VWA8: variants seen among roughly 807,000 people sequenced by gnomAD.
VWA8 encodes von Willebrand factor A domain-containing protein 8.
In VWA8, 221 loss-of-function variants were observed where a neutral mutation model predicts 241.5. The observed-to-expected ratio is 0.91, with a 90% CI of 0.82 to 1.02. The LOEUF (loss-of-function observed/expected upper bound fraction) is 1.02, where lower values mean the gene tolerates loss of function less well. Among genes scored for constraint, VWA8 ranks in the 50% least tolerant of loss-of-function variants. The pLI is 0.00. For missense variants in VWA8, 2,322 were observed against 2,328.7 expected (o/e 1.00, Z 0.06); for synonymous variants, 852 against 827.1 (o/e 1.03, Z -0.52).
At chr13:41,590,494 T>A in intron 41 of VWA8, 146 bp downstream of exon 41, 2 of 961,426 alleles carry the variant, frequency 2.1e-6, no homozygotes, top group Non-Finnish European at 2.9e-6. Context: ...TTCTTCTTCT[T>A]CTTCTTTTTT....
In VWA8 at chr13:41,699,110, T is replaced by A. The variant is rs770191871; in HGVS notation, c.3525A>T (p.Gly1175=). The A allele has an allele frequency of 2.5e-6, 4 of 1,613,874 alleles. No individual in the cohort carries two copies. In the African/African-American group the frequency reaches 5.3e-5, roughly 22 times the overall value. Residue 1175 remains glycine, a synonymous_variant, in exon 29 of 45, where the codon GGA becomes GGT. Coordinates refer to ENST00000379310, the MANE Select transcript of VWA8 (RefSeq NM_015058.2). ...GAACCACTTGACCTTTGAGAGGACT[T>A]CCCAGCGGTGCCACTGTCACAAAAG... The part of the protein sequence containing the change: ...WHPFVTVAPL[G]SPLKGQVVLH...
Position 41,693,012 on chromosome 13 carries a change from C to CTT in VWA8, c.3565-42_3565-41dup, listed in dbSNP as rs71706492. The CTT allele has an allele frequency of 9.8e-3, 10,570 of 1,079,498 alleles. 51 individuals are homozygous for CTT. The highest frequency in any genetic ancestry group is 0.041 in the African/African-American group (2,288 of 55,412). The allele number at this position is 1,079,498 out of a possible 1,614,324, so 66.9% of individuals were successfully genotyped here. On this transcript the variant is annotated intron_variant, in intron 29 of 44. Transcript: ENST00000379310. ...AACAGTGAAAAGCTCAAGATTTGTTCTTTTTTTTTTTTTTTTTAAAGCAGC... is the reference window on the plus strand; with the variant it reads ...AACAGTGAAAAGCTCAAGATTTGTTCTTTTTTTTTTTTTTTTTTTAAAGCAGC...
intron 12 of VWA8, among the ~76,000 whole-genome samples, chr13:41,849,041 A>C (rs1872409372): frequency 1.3e-5 from 2 of 152,216 alleles, no homozygotes; most frequent in South Asian, 4.1e-4. Flanking sequence ...TGAGCTCTGT[A>C]AAAGATTGCC....
intron 12 of VWA8, among the ~76,000 whole-genome samples, chr13:41,847,004 T>C (rs1200086711): frequency 6.6e-6 from 1 of 152,176 alleles, no homozygotes; most frequent in Non-Finnish European, 1.5e-5. Flanking sequence ...CCAGCCTGGA[T>C]GACACAGCAA....
At chr13:41,949,587 CGTGTACTGCACA>C (rs1878028023) in intron 2 of VWA8, among the ~76,000 whole-genome samples, 2 of 151,112 alleles carry the variant, frequency 1.3e-5, no homozygotes, top group South Asian at 4.2e-4. Flanking sequence ...AACAAACCTG[CGTGTACTGCACA>C]TGTGTCCCAG....
At chr13:41,826,378 T>C (rs1213920288) in intron 14 of VWA8, among the ~76,000 whole-genome samples, 1 of 151,886 alleles carries the variant, frequency 6.6e-6, no homozygotes, top group Non-Finnish European at 1.5e-5. Context: ...CAGAACATAA[T>C]AGAGAAAATA....
chr13:41,670,906 A>T (rs1343592687), intron 37 of VWA8, 40 bp downstream of exon 37: 1 of 1,605,206 alleles, frequency 6.2e-7, no homozygotes, highest in South Asian at 1.1e-5. Context: ...TTTATACTTG[A>T]ATGTGCACCT....
intron 37 of VWA8, among the ~76,000 whole-genome samples, chr13:41,665,440 A>G (rs2044979501): frequency 6.6e-6 from 1 of 152,108 alleles, no homozygotes; most frequent in South Asian, 2.1e-4. Context: ...CTCTTAAATA[A>G]TAAGTTGTAC....
chr13:41,715,848 T>C (rs947311241), intron 26 of VWA8, among the ~76,000 whole-genome samples: 1 of 152,048 alleles, frequency 6.6e-6, no homozygotes, highest in African/African-American at 2.4e-5. Flanking sequence ...AATTGTCTTG[T>C]TTCTCTATAG....
At chr13:41,871,576 A>G (rs909425240) in intron 9 of VWA8, among the ~76,000 whole-genome samples, 1 of 151,968 alleles carries the variant, frequency 6.6e-6, no homozygotes, top group African/African-American at 2.4e-5. Context: ...TGTTCTTGCA[A>G]TAGTTTACTG....
In VWA8 at chr13:41,857,735, G is replaced by T. The variant is rs536574182; in HGVS notation, c.1425+8001C>A. Among the ~76,000 whole-genome samples, 4 of 152,212 alleles carry T rather than the reference G, an allele frequency of 2.6e-5. No homozygotes were observed. In the South Asian group the frequency reaches 6.2e-4, roughly 24 times the overall value. On this transcript the variant is annotated intron_variant, in intron 12 of 44. Transcript: ENST00000379310. ...CACTTCAAATTAGAAATTTCATTCT[G>T]CTAACTCTTTAGGCACTGTGATGGT...
At chr13:41,871,096 A>G (rs1447030386) in intron 9 of VWA8, among the ~76,000 whole-genome samples, 1 of 152,142 alleles carries the variant, frequency 6.6e-6, no homozygotes, top group African/African-American at 2.4e-5. Flanking sequence ...TCAGCAAATC[A>G]TAATGATTCT....
In VWA8 at chr13:41,819,241, C is replaced by T; in HGVS notation, c.1846G>A (p.Glu616Lys). 6.2e-7 allele frequency: 1 copy of T among 1,603,938 alleles called. No individual in the cohort carries two copies. Among genetic ancestry groups the T allele is most frequent in the Non-Finnish European group, 8.5e-7 (1 of 1,177,728 alleles). Residue 616 changes from glutamate (E) to lysine (K), a missense_variant, in exon 15 of 45, where the codon GAA becomes AAA. Physicochemically the swap from Glu to Lys is moderately conservative, Grantham distance 56 (BLOSUM62 1). Transcript: ENST00000379310. ...ACCTTTTCCTTAATCACTTGGATTT[C>T]TTCACTTTTCACAAGTGGTTTCATG... is the stretch of plus-strand genomic sequence containing the variant. Reference protein sequence around the residue: ...HYMKPLVKSEEIQVIKEKVPN... With the variant: ...HYMKPLVKSEKIQVIKEKVPN...
chr13:41,959,505 A>AAAC (rs1555249198), intron 1 of VWA8, among the ~76,000 whole-genome samples: 2 of 150,996 alleles, frequency 1.3e-5, no homozygotes, highest in East Asian at 3.9e-4. Context: ...AAAAAAAAAA[A>AAAC]AAAAACAAAA....
At chr13:41,808,425 C>A (rs966276521) in intron 17 of VWA8, among the ~76,000 whole-genome samples, 2 of 152,094 alleles carry the variant, frequency 1.3e-5, no homozygotes, top group Non-Finnish European at 2.9e-5. Context: ...AACGGGGGAA[C>A]AAGCACTTCA....
intron 37 of VWA8, among the ~76,000 whole-genome samples, chr13:41,631,726 GATTCA>G (rs1170922456): frequency 2.0e-5 from 3 of 152,218 alleles, no homozygotes; most frequent in African/African-American, 7.2e-5. Context: ...TCAAGAGGAT[GATTCA>G]CGGATTAAGA....
chr13:41,765,541 TCA>T (rs2045773559), intron 20 of VWA8, among the ~76,000 whole-genome samples: 1 of 152,212 alleles, frequency 6.6e-6, no homozygotes, highest in Non-Finnish European at 1.5e-5. Context: ...TTCCTTCTAA[TCA>T]CAGTTTTTGC....
intron 23 of VWA8, among the ~76,000 whole-genome samples, chr13:41,728,221 G>A (rs2045452577): frequency 6.6e-6 from 1 of 151,442 alleles, no homozygotes; most frequent in Admixed American, 6.6e-5. Context: ...ACAACCAATA[G>A]TTTTAACTGT....
At chr13:41,919,427 G>T (rs1876408765) in intron 2 of VWA8, among the ~76,000 whole-genome samples, 1 of 152,254 alleles carries the variant, frequency 6.6e-6, no homozygotes, top group East Asian at 1.9e-4. Context: ...AACCGACACT[G>T]TGCCTTACCC....
Sources: allele counts gnomAD v4.1 joint callset (sites outside exome capture counted in the v4.1 genomes callset), GRCh38; gene constraint gnomAD v4.1.1; transcripts MANE v1.5; gene names NCBI Gene and HGNC (gene_info 2026-07-23, HGNC 2026-07-21).